Variants in PPP1R21 observed in about 807,000 individuals in gnomAD.
PPP1R21 encodes KLRAQ motif containing 1.
Under a neutral mutation model 112.8 loss-of-function variants are expected in PPP1R21, and 85 were observed. That is an observed-to-expected ratio of 0.75 (90% confidence interval 0.63 to 0.90). The LOEUF (loss-of-function observed/expected upper bound fraction) is 0.90, where lower values mean the gene tolerates loss of function less well. PPP1R21 is among the 40% of genes least tolerant of loss of function. The pLI is 0.00. For missense variants in PPP1R21, 1,199 were observed against 901.5 expected, an observed-to-expected ratio of 1.33 and a Z score of -4.23; for synonymous variants, 381 against 322.3, an observed-to-expected ratio of 1.18 and a Z score of -1.95.
intron 13 of PPP1R21, among the ~76,000 whole-genome samples, chr2:48,483,195 CTTTTTTTTTTTTT>C (rs755036470): frequency 1.2e-5 from 1 of 80,890 alleles, no homozygotes; most frequent in South Asian, 5.5e-4. Context: ...CTTTTTTTTC[CTTTTTTTTTTTTT>C]TTTTTTTTTT....
At chr2:48,444,512 C>T (rs936281577) in intron 1 of PPP1R21, among the ~76,000 whole-genome samples, 1 of 152,218 alleles carries the variant, frequency 6.6e-6, no homozygotes, top group Non-Finnish European at 1.5e-5. Flanking sequence ...AGTTCTGGCT[C>T]ATTTGATTTT....
chr2:48,464,956 T>C lies in PPP1R21; in HGVS notation c.714T>C (p.Ala238=). 6.4e-7 allele frequency: 1 copy of C among 1,561,770 alleles called. No individual in the cohort carries two copies. The highest frequency in any genetic ancestry group is 8.6e-7 in the Non-Finnish European group (1 of 1,163,924). ...FNDTKYSQYN[A]LNVPLHNRRH... ...CTGTAGAATATAGTCAGTACAACGC[T>C]CTGAACGTTCCACTCCACAATAGGA... Residue 238 remains alanine (A), a synonymous_variant, in exon 8 of 22, where the codon GCT becomes GCC. Coordinates refer to ENST00000294952, the MANE Select transcript of PPP1R21 (RefSeq NM_001135629.3).
chr2:48,454,929 C>G (rs560796788), intron 3 of PPP1R21, among the ~76,000 whole-genome samples, 188 bp downstream of exon 3: 1 of 152,122 alleles, frequency 6.6e-6, no homozygotes, highest in Admixed American at 6.5e-5. Flanking sequence ...AACCTCTGCT[C>G]CCAGGCTCAG....
intron 1 of PPP1R21, among the ~76,000 whole-genome samples, chr2:48,447,800 A>G (rs1028573302): frequency 1.4e-4 from 22 of 152,044 alleles, no homozygotes; most frequent in African/African-American, 5.3e-4. Flanking sequence ...AATACAAAAA[A>G]TTAGCCGGGC....
At chr2:48,460,763 TA>T (rs914733604) in intron 6 of PPP1R21, among the ~76,000 whole-genome samples, 3 of 152,140 alleles carry the variant, frequency 2.0e-5, no homozygotes, top group Admixed American at 6.5e-5. Context: ...AGTATGTACT[TA>T]AAAAAAGTCT....
At chr2:48,504,857 G>A (rs887894706) in intron 17 of PPP1R21, among the ~76,000 whole-genome samples, 2 of 152,106 alleles carry the variant, frequency 1.3e-5, no homozygotes, top group African/African-American at 2.4e-5. Context: ...AGCCAGGCAT[G>A]GTGACTCATG....
At chr2:48,478,141 C>G (rs1054605305) in intron 12 of PPP1R21, among the ~76,000 whole-genome samples, 3 of 152,186 alleles carry the variant, frequency 2.0e-5, no homozygotes, top group Admixed American at 6.5e-5. Flanking sequence ...AAAGAATTCT[C>G]CCTTAGGGCC....
At chr2:48,460,041 C>A in intron 5 of PPP1R21, 54 bp from the exon 6 acceptor site, 1 of 1,605,188 alleles carries the variant, frequency 6.2e-7, no homozygotes, top group Non-Finnish European at 8.5e-7. Context: ...ACTAAGTGTG[C>A]TCCTATCTGT....
chr2:48,458,460 A>G (rs1365577855), intron 4 of PPP1R21, among the ~76,000 whole-genome samples: 1 of 152,238 alleles, frequency 6.6e-6, no homozygotes, highest in Non-Finnish European at 1.5e-5. Context: ...GAATAGCTTT[A>G]TAACTTAACA....
intron 12 of PPP1R21, 72 bp from the exon 13 acceptor site, chr2:48,479,852 C>T (rs922501054): frequency 2.2e-5 from 21 of 941,100 alleles, no homozygotes; most frequent in Admixed American, 3.5e-5. Flanking sequence ...TCTATCTTCC[C>T]AAAAGTAGAG....
intron 14 of PPP1R21, among the ~76,000 whole-genome samples, chr2:48,488,205 G>T (rs1669396832): frequency 6.6e-6 from 1 of 152,036 alleles, no homozygotes; most frequent in African/African-American, 2.4e-5. Flanking sequence ...AGATCTATGT[G>T]CAAAGGATTC....
At chr2:48,495,084 A>G (rs1028598879) in intron 15 of PPP1R21, among the ~76,000 whole-genome samples, 7 of 152,268 alleles carry the variant, frequency 4.6e-5, no homozygotes, top group African/African-American at 1.4e-4. Context: ...GGTTGTATGT[A>G]TAAGTACTCA....
At chr2:48,459,733 A>C in intron 4 of PPP1R21, 21 bp from the exon 5 acceptor site, 1 of 1,604,776 alleles carries the variant, frequency 6.2e-7, no homozygotes, top group Non-Finnish European at 8.5e-7. Context: ...GTGAGAAGAG[A>C]AAATGGTCTT....
intron 15 of PPP1R21, among the ~76,000 whole-genome samples, chr2:48,492,251 G>A (rs1025903083): frequency 6.3e-4 from 96 of 152,124 alleles, no homozygotes; most frequent in African/African-American, 2.3e-3. Context: ...AACCTTTCAG[G>A]CTCTTTGAGC....
chr2:48,497,580 T>C (rs1669901841), intron 16 of PPP1R21, among the ~76,000 whole-genome samples: 1 of 152,212 alleles, frequency 6.6e-6, no homozygotes, highest in African/African-American at 2.4e-5. Flanking sequence ...CAAAAGTAAT[T>C]GTGGTTGTTG....
At chr2:48,454,796 A>G (rs951500544) in intron 3 of PPP1R21, 55 bp downstream of exon 3, 18 of 1,363,140 alleles carry the variant, frequency 1.3e-5, no homozygotes, top group Non-Finnish European at 1.9e-5. Flanking sequence ...ACTGACACCT[A>G]CAGGGCATCC....
At chr2:48,458,771 C>G (rs1330200780) in intron 4 of PPP1R21, among the ~76,000 whole-genome samples, 3 of 152,016 alleles carry the variant, frequency 2.0e-5, no homozygotes, top group Non-Finnish European at 2.9e-5. Context: ...AAGTTAGTGC[C>G]TGCCCCCAAA....
Position 48,484,170 on chromosome 2 carries a change from C to A in PPP1R21, c.1319-2461C>A, listed in dbSNP as rs1572870776. Among the ~76,000 whole-genome samples the A allele has an allele frequency of 2.0e-5, 3 of 152,178 alleles. No individual in the cohort carries two copies. The East Asian group carries it at 5.8e-4, about 29-fold the overall frequency. ...GTTTGGGGGTTTGCCATGCAGAGAT[C>A]TGTTTTGCAGCCACCCAAGACCATG... On this transcript the variant is annotated intron_variant, in intron 13 of 21. Coordinates refer to ENST00000294952, the MANE Select transcript of PPP1R21 (RefSeq NM_001135629.3).
At chr2:48,465,125 T>TA in intron 8 of PPP1R21, 136 bp downstream of exon 8, 1 of 721,114 alleles carries the variant, frequency 1.4e-6, no homozygotes, top group Non-Finnish European at 2.3e-6. Flanking sequence ...GTGTTTCTCA[T>TA]ACATTTATTC....
Sources: gnomAD v4.1 joint callset for allele counts (sites outside exome capture counted in the v4.1 genomes callset) on GRCh38, gnomAD v4.1.1 for gene constraint, MANE v1.5 for transcripts, NCBI Gene and HGNC (gene_info 2026-07-23, HGNC 2026-07-21) for gene names.